Variants in FBXW8 observed in about 807,000 individuals in gnomAD.
FBXW8 encodes F-box/WD repeat-containing protein 8.
A neutral mutation model predicts 65.3 loss-of-function variants in FBXW8; 57 were observed. That is an observed-to-expected ratio of 0.87 (90% CI 0.71 to 1.09). FBXW8 has a LOEUF of 1.09. Among genes scored for constraint, FBXW8 ranks in the 50% least tolerant of loss-of-function variants. FBXW8 has a pLI of 0.00. For missense variants in FBXW8, 777 were observed against 814.8 expected (o/e 0.95, Z 0.57); for synonymous variants, 308 against 330.2 (o/e 0.93, Z 0.73).
chr12:116,917,041 A>G (rs537346538), intron 1 of FBXW8, among the ~76,000 whole-genome samples: 6 of 152,250 alleles, frequency 3.9e-5, no homozygotes, highest in South Asian at 2.1e-4. Context: ...GCCAGATGCA[A>G]TGGTGCTTTT....
At chr12:117,004,063 C>T (rs1191293426) in intron 7 of FBXW8, among the ~76,000 whole-genome samples, 2 of 152,210 alleles carry the variant, frequency 1.3e-5, no homozygotes, top group African/African-American at 2.4e-5. Context: ...TTCTCCCCTC[C>T]TCCGTGCTGC....
At chr12:117,021,905 C>G (rs1295422237) in intron 8 of FBXW8, among the ~76,000 whole-genome samples, 2 of 152,302 alleles carry the variant, frequency 1.3e-5, no homozygotes, top group African/African-American at 2.4e-5. Context: ...ATGGACGTGA[C>G]TGCCTGGTTT....
intron 3 of FBXW8, among the ~76,000 whole-genome samples, chr12:116,945,845 G>A (rs1882895541): frequency 2.6e-5 from 4 of 152,174 alleles, no homozygotes; most frequent in Admixed American, 2.0e-4. Context: ...GACTTTCACC[G>A]ACTCTCTGGA....
chr12:117,027,971 TG>T, intron 10 of FBXW8, 56 bp from the exon 11 acceptor site: 8 of 1,607,224 alleles, frequency 5.0e-6, no homozygotes, highest in Non-Finnish European at 6.8e-6. Flanking sequence ...CAGAAGCGGC[TG>T]GGGTGAGGGC....
chr12:117,023,180 A>G (rs1173248011), intron 8 of FBXW8, among the ~76,000 whole-genome samples: 2 of 152,220 alleles, frequency 1.3e-5, no homozygotes, highest in Admixed American at 6.5e-5. Context: ...GCATGCTTGC[A>G]TAACTAGAGT....
chr12:116,911,050 A>C lies in FBXW8; in HGVS notation c.13A>C (p.Ser5Arg). Residue 5 changes from serine to arginine, a missense_variant, in exon 1 of 11, where the codon AGC (serine) becomes CGC (arginine). Ser to Arg is a moderately radical substitution (Grantham distance 110). Coordinates refer to ENST00000652555, the MANE Select transcript of FBXW8 (RefSeq NM_153348.3). ...GGGAGCGGCGAATATGGACGACTAC[A>C]GCCTGGATGAGTTCCGTCGGCGCTG... The part of the protein sequence containing the change: MDDY[S>R]LDEFRRRWQE... The C allele has an allele frequency of 6.9e-7, 1 of 1,449,056 alleles. No individual in the cohort carries two copies. The highest frequency in any genetic ancestry group is 9.0e-7 in the Non-Finnish European group (1 of 1,109,032). 89.8% of individuals were successfully genotyped at this position (1,449,056 alleles called of 1,614,324 possible). A position where few individuals can be genotyped will look rare whatever the true frequency, so the allele number is the denominator to read the frequency against.
At position 116,983,988 on chromosome 12, in the gene FBXW8, A is replaced by G. The variant is rs189793813; in HGVS notation, c.836-1218A>G. The stretch of plus-strand genomic sequence containing the variant: ...AGTGCTGGAGCTGGATTTGAACTCA[A>G]ATAGTCACAAACTGTTATCTCCACA... On this transcript the variant is annotated intron_variant, in intron 5 of 10. Transcript: ENST00000652555. 3.3e-5 allele frequency among the ~76,000 whole-genome samples: 5 copies of G among 152,326 alleles called. No individual in the cohort carries two copies. In the East Asian group the frequency reaches 9.6e-4, roughly 29 times the overall value.
At chr12:116,996,355 G>T (rs1283472088) in intron 7 of FBXW8, among the ~76,000 whole-genome samples, 1 of 152,100 alleles carries the variant, frequency 6.6e-6, no homozygotes, top group Non-Finnish European at 1.5e-5. Flanking sequence ...AGAGACTCTG[G>T]ATTGGTTGCT....
intron 7 of FBXW8, among the ~76,000 whole-genome samples, chr12:117,003,749 T>C (rs1216673296): frequency 1.3e-5 from 2 of 152,200 alleles, no homozygotes. Context: ...TGCTCAGCCT[T>C]TGAGGATATG....
At chr12:116,963,476 C>T (rs143784934) in intron 4 of FBXW8, among the ~76,000 whole-genome samples, 5 of 152,216 alleles carry the variant, frequency 3.3e-5, no homozygotes, top group East Asian at 3.9e-4. Context: ...TGGTGGTGCA[C>T]GCCTATAATC....
At chr12:116,940,593 G>T (rs1454375241) in intron 2 of FBXW8, among the ~76,000 whole-genome samples, 1 of 151,408 alleles carries the variant, frequency 6.6e-6, no homozygotes, top group African/African-American at 2.4e-5. Flanking sequence ...GAATGTGAAC[G>T]GTGAGAGATA....
rs1388890711 is a variant in FBXW8, at chr12:116,985,489, C to G, written c.1032+87C>G. 3.0e-6 allele frequency: 4 copies of G among 1,321,224 alleles called. No individual in the cohort carries two copies. The South Asian group carries it at 4.3e-5, about 14-fold the overall frequency. 81.8% of individuals were successfully genotyped at this position (1,321,224 alleles called of 1,614,324 possible). On this transcript the variant is annotated intron_variant, in intron 6 of 10. Coordinates refer to ENST00000652555, the MANE Select transcript of FBXW8 (RefSeq NM_153348.3). ...CACGTACTAATGGTGTTGGTAACTC[C>G]CATTCACTCAGAGCTTCCTGCGGGC... is the stretch of plus-strand genomic sequence containing the variant.
At chr12:117,020,008 C>T (rs1023945856) in intron 8 of FBXW8, among the ~76,000 whole-genome samples, 2 of 152,192 alleles carry the variant, frequency 1.3e-5, no homozygotes, top group African/African-American at 2.4e-5. Context: ...TCCCTCATTG[C>T]GACTGCTTAA....
chr12:117,028,006 A>C lies in FBXW8; in HGVS notation c.1653-22A>C, dbSNP rs377440312. The C allele has an allele frequency of 6.2e-7, 1 of 1,613,546 alleles. No homozygotes were observed. Among genetic ancestry groups the C allele is most frequent in the Non-Finnish European group, 8.5e-7 (1 of 1,179,946 alleles). On this transcript the variant is annotated intron_variant, in intron 10 of 10. Coordinates refer to ENST00000652555, the MANE Select transcript of FBXW8 (RefSeq NM_153348.3). The surrounding 1 kb of genome is among the most constrained non-coding windows in gnomAD (Gnocchi z 4.1). ...GCCAGCGAGGCAGCCCTGACCTGTC[A>C]CCATCTTTGTGCTCTTTCTAGACAC...
chr12:117,027,384 T>G lies in FBXW8; in HGVS notation c.1542-10T>G. 1 of 1,613,286 alleles carries G rather than the reference T, an allele frequency of 6.2e-7. No homozygotes were observed. Among genetic ancestry groups the G allele is most frequent in the South Asian group, 1.1e-5 (1 of 91,054 alleles). On this transcript the variant is annotated splice_polypyrimidine_tract_variant and intron_variant, in intron 9 of 10. Coordinates refer to ENST00000652555, the MANE Select transcript of FBXW8 (RefSeq NM_153348.3). ...CGCCCCCTTACGAGCTCTCTCCCAC[T>G]GCCTTCCAGGCACCCGGTGCAGCAC...
intron 7 of FBXW8, among the ~76,000 whole-genome samples, chr12:116,990,066 A>G (rs973795886): frequency 2.6e-5 from 4 of 152,174 alleles, no homozygotes; most frequent in East Asian, 3.9e-4. Context: ...TTTGACCTGT[A>G]AGGTCAAATC....
Position 116,919,819 on chromosome 12 carries a change from A to G in FBXW8, c.319-8204A>G, listed in dbSNP as rs186061635. Among the ~76,000 whole-genome samples the G allele has an allele frequency of 9.8e-5, 15 of 152,354 alleles. No individual in the cohort carries two copies. The East Asian group carries it at 2.5e-3, about 25-fold the overall frequency. On this transcript the variant is annotated intron_variant, in intron 1 of 10. Transcript: ENST00000652555. ...AAGATATGGAGTTTTAGGTCTGCTG[A>G]AAGTTTTAATACTGCTGGCCAATAT... is the stretch of plus-strand genomic sequence containing the variant.
rs538202415 is a variant in FBXW8, at chr12:117,027,968, G to A, written c.1653-60G>A. The stretch of plus-strand genomic sequence containing the variant: ...GAACGCCTCCTGCACAGACAGAAGC[G>A]GCTGGGGTGAGGGCCAGCGAGGCAG... On this transcript the variant is annotated intron_variant, in intron 10 of 10. Transcript: ENST00000652555. The A allele has an allele frequency of 9.0e-5, 144 of 1,605,576 alleles. 1 individual carries two copies. Among genetic ancestry groups the A allele is most frequent in the Admixed American group, 7.9e-4 (47 of 59,756 alleles).
intron 4 of FBXW8, chr12:116,951,542 C>G (rs1883288251): frequency 1.3e-5 from 2 of 152,174 alleles, no homozygotes; most frequent in Admixed American, 1.3e-4. Flanking sequence ...CTTCCCTTTT[C>G]TCTTTCTTTT....
Sources: gnomAD v4.1 joint callset for allele counts (sites outside exome capture counted in the v4.1 genomes callset) on GRCh38, gnomAD v4.1.1 for gene constraint, Gnocchi (gnomAD v3.1) non-coding constraint, MANE v1.5 for transcripts, NCBI Gene and HGNC (gene_info 2026-07-23, HGNC 2026-07-21) for gene names.